KIRREL3: variants seen among roughly 807,000 people sequenced by gnomAD.
KIRREL3 encodes the protein kin of IRRE-like protein 3.
KIRREL3 carries 36 observed loss-of-function variants against 89.7 expected under a neutral mutation model. That is an observed-to-expected ratio of 0.40 (90% CI 0.31 to 0.53). The LOEUF (loss-of-function observed/expected upper bound fraction) is 0.53. Among genes scored for constraint, KIRREL3 ranks in the 20% least tolerant of loss-of-function variants. The pLI is 0.49. For synonymous variants in KIRREL3, 445 were observed against 441.4 expected, an observed-to-expected ratio of 1.01 and a Z score of -0.10; for missense variants, 864 against 1,056.6, an observed-to-expected ratio of 0.82 and a Z score of 2.53.
intron 1 of KIRREL3, among the ~76,000 whole-genome samples, chr11:126,727,412 T>A (rs1053868304): frequency 1.3e-5 from 2 of 152,212 alleles, no homozygotes; most frequent in African/African-American, 4.8e-5. Flanking sequence ...AGCTTACAGA[T>A]TTAAACTTAA....
intron 1 of KIRREL3, among the ~76,000 whole-genome samples, chr11:126,826,172 G>A (rs1943404822): frequency 6.6e-6 from 1 of 152,076 alleles, no homozygotes; most frequent in African/African-American, 2.4e-5. Flanking sequence ...TGTCTGTGTG[G>A]TCATTAAGTT....
intron 1 of KIRREL3, among the ~76,000 whole-genome samples, chr11:126,722,687 G>A (rs1461223076): frequency 6.6e-6 from 1 of 152,242 alleles, no homozygotes. Context: ...AATGTGCTGA[G>A]CTGTGCTCTA....
chr11:126,878,120 GATAA>G (rs911143268), intron 1 of KIRREL3, among the ~76,000 whole-genome samples: 2 of 152,192 alleles, frequency 1.3e-5, no homozygotes, highest in African/African-American at 2.4e-5. Flanking sequence ...ATGGAAGACA[GATAA>G]ATACTTATTC....
In KIRREL3 at chr11:126,614,628, C is replaced by T. The variant is rs553167; in HGVS notation, c.56-51716G>A. Reference sequence around the variant, plus strand: ...CCCTGGTGCAGGTGATCTCAGATGTCCCTCCAGATTTCTGGTTCCTCAGTG... The same window carrying T: ...CCCTGGTGCAGGTGATCTCAGATGTTCCTCCAGATTTCTGGTTCCTCAGTG... On this transcript the variant is annotated intron_variant, in intron 1 of 16. Coordinates refer to ENST00000525144, the MANE Select transcript of KIRREL3 (RefSeq NM_032531.4). This position sits in a 1 kb window ranked among gnomAD's most constrained non-coding sequence, Gnocchi z 4.6. Among the ~76,000 whole-genome samples, 145,386 of 152,248 alleles carry T rather than the reference C, an allele frequency of 0.95. 69,457 individuals are homozygous for T. The highest frequency in any genetic ancestry group is 1 in the East Asian group (5,163 of 5,170).
chr11:126,731,034 C>A (rs2066283558), intron 1 of KIRREL3, among the ~76,000 whole-genome samples: 1 of 152,186 alleles, frequency 6.6e-6, no homozygotes, highest in South Asian at 2.1e-4. Flanking sequence ...CCACCGCGCC[C>A]AGCCAACATG....
At chr11:126,517,752 G>A (rs1958464763) in intron 4 of KIRREL3, among the ~76,000 whole-genome samples, 2 of 152,162 alleles carry the variant, frequency 1.3e-5, no homozygotes, top group South Asian at 4.1e-4. Flanking sequence ...TGGCCTTTTG[G>A]GAGCGAGACA....
intron 1 of KIRREL3, among the ~76,000 whole-genome samples, chr11:126,657,412 C>T (rs1375005745): frequency 2.0e-5 from 3 of 152,140 alleles, no homozygotes; most frequent in Non-Finnish European, 2.9e-5. Context: ...GTTTTAGTAA[C>T]CAAGCAAACC....
At chr11:126,593,311 CG>C (rs2134716470) in intron 1 of KIRREL3, among the ~76,000 whole-genome samples, 1 of 152,274 alleles carries the variant, frequency 6.6e-6, no homozygotes, top group African/African-American at 2.4e-5. Context: ...TATTTAGCAC[CG>C]TTATCGGGAG....
chr11:126,490,699 T>C lies in KIRREL3; in HGVS notation c.434-17233A>G, dbSNP rs1957488319. Among the ~76,000 whole-genome samples, 1 of 152,194 alleles carries C rather than the reference T, an allele frequency of 6.6e-6. No individual in the cohort carries two copies. Among genetic ancestry groups the C allele is most frequent in the African/African-American group, 2.4e-5 (1 of 41,442 alleles). ...GTTCCATGGGATGGCATTTGTGACG[T>C]CCCCAGAACAGGGCTCAGTGAATGC... On this transcript the variant is annotated intron_variant, in intron 4 of 16. Coordinates refer to ENST00000525144, the MANE Select transcript of KIRREL3 (RefSeq NM_032531.4). This position sits in a 1 kb window ranked among gnomAD's most constrained non-coding sequence, Gnocchi z 4.2.
At chr11:126,865,334 G>A (rs1025802843) in intron 1 of KIRREL3, among the ~76,000 whole-genome samples, 12 of 152,254 alleles carry the variant, frequency 7.9e-5, no homozygotes, top group Non-Finnish European at 1.6e-4. Context: ...AGCTCAGTCT[G>A]ATGTGCAAGA....
Position 126,641,442 on chromosome 11 carries a change from C to T in KIRREL3, c.56-78530G>A, listed in dbSNP as rs1944466995. 1.3e-5 allele frequency among the ~76,000 whole-genome samples: 2 copies of T among 152,108 alleles called. No individual in the cohort carries two copies. Among genetic ancestry groups the T allele is most frequent in the Admixed American group, 6.5e-5 (1 of 15,280 alleles). ...AGGGTGCAGGGTGTCATGAGTTTTA[C>T]AGATTCTGGCTACAAATACCTGAGG... On this transcript the variant is annotated intron_variant, in intron 1 of 16. Coordinates refer to ENST00000525144, the MANE Select transcript of KIRREL3 (RefSeq NM_032531.4). The surrounding 1 kb of genome is among the most constrained non-coding windows in gnomAD (Gnocchi z 5.0).
intron 1 of KIRREL3, among the ~76,000 whole-genome samples, chr11:126,581,211 AT>A (rs558345583): frequency 1.3e-5 from 2 of 151,236 alleles, no homozygotes; most frequent in African/African-American, 2.4e-5. Context: ...ATTATATTGA[AT>A]TTTTTTTTGA....
chr11:126,446,807 G>A lies in KIRREL3; in HGVS notation c.1077C>T (p.Thr359=), dbSNP rs1042096634. ...AGACGATGGTCAGGGATGGGTTGCC[G>A]GTCCAGGCGCAGCTGAAGATGGCAT... The part of the protein sequence containing the change: ...GSDAIFSCAW[T]GNPSLTIVWM... Residue 359 remains threonine, a synonymous_variant, in exon 9 of 17, where the codon ACC becomes ACT. Transcript: ENST00000525144. The A allele has an allele frequency of 5.9e-5, 94 of 1,601,634 alleles. No individual in the cohort carries two copies. Among genetic ancestry groups the A allele is most frequent in the Non-Finnish European group, 7.1e-5 (83 of 1,174,426 alleles).
chr11:126,647,215 G>A lies in KIRREL3; in HGVS notation c.56-84303C>T, dbSNP rs1396134133. On this transcript the variant is annotated intron_variant, in intron 1 of 16. Transcript: ENST00000525144. This position sits in a 1 kb window ranked among gnomAD's most constrained non-coding sequence, Gnocchi z 4.9. ...AGGCTCACCCCTGCTACTCTGCCAG[G>A]AGCTATAGAAAGAAAAATCTCCAAG... 6.6e-6 allele frequency among the ~76,000 whole-genome samples: 1 copy of A among 152,192 alleles called. No individual in the cohort carries two copies. Among genetic ancestry groups the A allele is most frequent in the African/African-American group, 2.4e-5 (1 of 41,450 alleles).
chr11:126,994,773 G>T lies in KIRREL3; in HGVS notation c.55+5682C>A, dbSNP rs1950131129. On this transcript the variant is annotated intron_variant, in intron 1 of 16. Coordinates refer to ENST00000525144, the MANE Select transcript of KIRREL3 (RefSeq NM_032531.4). The surrounding 1 kb of genome is among the most constrained non-coding windows in gnomAD (Gnocchi z 5.2). ...GGGAGAAGATCCCCCACCCTCTTGT[G>T]ACCCTTGGCTCTATGGCACAGTGTG... Among the ~76,000 whole-genome samples the T allele has an allele frequency of 6.6e-6, 1 of 152,154 alleles. No individual in the cohort carries two copies. Among genetic ancestry groups the T allele is most frequent in the African/African-American group, 2.4e-5 (1 of 41,442 alleles).
In KIRREL3 at chr11:126,652,138, A is replaced by C. The variant is rs898916148; in HGVS notation, c.56-89226T>G. On this transcript the variant is annotated intron_variant, in intron 1 of 16. Coordinates refer to ENST00000525144, the MANE Select transcript of KIRREL3 (RefSeq NM_032531.4). The surrounding 1 kb of genome is among the most constrained non-coding windows in gnomAD (Gnocchi z 4.9). ...CTGTCTGGAGGATTCCTTTAAAAAA[A>C]CCCAAGGTTCTGGAGGTCACTGGCA... Among the ~76,000 whole-genome samples, 1 of 152,162 alleles carries C rather than the reference A, an allele frequency of 6.6e-6. No homozygotes were observed. The highest frequency in any genetic ancestry group is 1.5e-5 in the Non-Finnish European group (1 of 68,032).
At chr11:126,972,895 C>T (rs1404994772) in intron 1 of KIRREL3, among the ~76,000 whole-genome samples, 1 of 151,934 alleles carries the variant, frequency 6.6e-6, no homozygotes, top group Non-Finnish European at 1.5e-5. Flanking sequence ...CCATCGTGCA[C>T]ATAAAAAGGG....
chr11:126,807,737 T>G lies in KIRREL3; in HGVS notation c.55+192718A>C, dbSNP rs1480058670. Among the ~76,000 whole-genome samples, 1 of 152,198 alleles carries G rather than the reference T, an allele frequency of 6.6e-6. No homozygotes were observed. Among genetic ancestry groups the G allele is most frequent in the Non-Finnish European group, 1.5e-5 (1 of 68,028 alleles). On this transcript the variant is annotated intron_variant, in intron 1 of 16. Coordinates refer to ENST00000525144, the MANE Select transcript of KIRREL3 (RefSeq NM_032531.4). This position sits in a 1 kb window ranked among gnomAD's most constrained non-coding sequence, Gnocchi z 4.3. ...ATTTCTAGGAGGCTTCTGAGATTCT[T>G]CTACATGTCTACTCTGATGTGGTTG...
At chr11:126,933,517 C>T (rs780413379) in intron 1 of KIRREL3, among the ~76,000 whole-genome samples, 8 of 150,698 alleles carry the variant, frequency 5.3e-5, no homozygotes, top group Non-Finnish European at 1.2e-4. Flanking sequence ...AGAAGGAAAA[C>T]TGTCTTTATT....
Sources: allele counts gnomAD v4.1 joint callset (sites outside exome capture counted in the v4.1 genomes callset), GRCh38; gene constraint gnomAD v4.1.1; non-coding constraint Gnocchi (gnomAD v3.1); transcripts MANE v1.5; gene names NCBI Gene and HGNC (gene_info 2026-07-23, HGNC 2026-07-21).